The following JAKMIP3 variants were observed in gnomAD, a reference collection of about 807,000 sequenced individuals.
JAKMIP3 encodes the protein janus kinase and microtubule-interacting protein 3.
Under a neutral mutation model 118.5 loss-of-function variants are expected in JAKMIP3, and 58 were observed. That is an observed-to-expected ratio of 0.49 (90% confidence interval 0.40 to 0.61). The LOEUF (loss-of-function observed/expected upper bound fraction) is 0.61, where lower values mean the gene tolerates loss of function less well. JAKMIP3 is among the 20% of genes least tolerant of loss of function. The pLI, the probability that JAKMIP3 is intolerant of heterozygous loss-of-function variation, is 0.00. For synonymous variants in JAKMIP3, 486 were observed against 451.2 expected, an observed-to-expected ratio of 1.08 and a Z score of -0.98; for missense variants, 950 against 1,109.0, an observed-to-expected ratio of 0.86 and a Z score of 2.04.
chr10:132,115,296 G>A (rs1326053494), intron 2 of JAKMIP3, among the ~76,000 whole-genome samples: 1 of 146,604 alleles, frequency 6.8e-6, no homozygotes, highest in Non-Finnish European at 1.5e-5. Context: ...ACCCTGGCGG[G>A]GCACTGATCA....
chr10:132,156,714 G>A (rs1027836940), intron 19 of JAKMIP3, among the ~76,000 whole-genome samples: 2 of 152,160 alleles, frequency 1.3e-5, no homozygotes, highest in Non-Finnish European at 2.9e-5. Context: ...GCTGCCATCT[G>A]GTCTCCTAGA....
intron 23 of JAKMIP3, among the ~76,000 whole-genome samples, chr10:132,178,784 A>G (rs1014877624): frequency 1.8e-4 from 28 of 152,344 alleles, no homozygotes; most frequent in Admixed American, 1.2e-3. Context: ...TCCGGACCCC[A>G]GGAAGGTTCT....
In JAKMIP3 at chr10:132,118,342, C is replaced by T. The variant is rs943359551; in HGVS notation, c.633+768C>T. Among the ~76,000 whole-genome samples the T allele has an allele frequency of 5.9e-5, 9 of 152,234 alleles. No homozygotes were observed. Among genetic ancestry groups the T allele is most frequent in the African/African-American group, 2.2e-4 (9 of 41,468 alleles). Reference sequence around the variant, plus strand: ...AAGGGACTGATTCCACCCGATGCCCCTTGTCCTTTGGAGAGGAGACTGTCC... The same window carrying T: ...AAGGGACTGATTCCACCCGATGCCCTTTGTCCTTTGGAGAGGAGACTGTCC... On this transcript the variant is annotated intron_variant, in intron 3 of 23. Transcript: ENST00000684848. This position sits in a 1 kb window ranked among gnomAD's most constrained non-coding sequence, Gnocchi z 4.8.
intron 1 of JAKMIP3, among the ~76,000 whole-genome samples, chr10:132,039,201 G>A (rs1454010625): frequency 6.6e-6 from 1 of 152,108 alleles, no homozygotes; most frequent in Admixed American, 6.5e-5. Context: ...GCCCAAGCTG[G>A]TCTTGAACTC....
intron 1 of JAKMIP3, among the ~76,000 whole-genome samples, chr10:132,099,563 T>G (rs1589807308): frequency 6.6e-6 from 1 of 152,102 alleles, no homozygotes; most frequent in East Asian, 1.9e-4. Flanking sequence ...TCTACGGGGG[T>G]TTGGGGAGGC....
At chr10:132,121,968 C>G (rs1426735615) in intron 3 of JAKMIP3, among the ~76,000 whole-genome samples, 1 of 152,168 alleles carries the variant, frequency 6.6e-6, no homozygotes, top group African/African-American at 2.4e-5. Context: ...CAAAATGGAC[C>G]CCGTGATTCA....
intron 3 of JAKMIP3, 131 bp from the exon 4 acceptor site, chr10:132,133,181 T>C (rs1267930081): frequency 2.6e-6 from 2 of 772,482 alleles, no homozygotes; most frequent in Non-Finnish European, 4.3e-6. Context: ...GGGCTCCTGC[T>C]CTTAGTCCAG....
At chr10:132,174,305 A>G (rs930637307) in intron 23 of JAKMIP3, among the ~76,000 whole-genome samples, 23 of 152,090 alleles carry the variant, frequency 1.5e-4, no homozygotes, top group African/African-American at 5.3e-4. Flanking sequence ...ATAGAGTCAC[A>G]TAGTGCAGCT....
chr10:132,080,275 A>G (rs976873405), intron 1 of JAKMIP3, among the ~76,000 whole-genome samples: 1 of 151,872 alleles, frequency 6.6e-6, no homozygotes, highest in African/African-American at 2.4e-5. Context: ...ATTTCTGTAC[A>G]CCCTTACTAA....
rs557872878 is a variant in JAKMIP3, at chr10:132,121,542, C to T, written c.633+3968C>T. Among the ~76,000 whole-genome samples, 24 of 152,280 alleles carry T rather than the reference C, an allele frequency of 1.6e-4. No homozygotes were observed. The Middle Eastern group carries it at 0.02, about 129-fold the overall frequency. On this transcript the variant is annotated intron_variant, in intron 3 of 23. Coordinates refer to ENST00000684848, the MANE Select transcript of JAKMIP3 (RefSeq NM_001323087.2). Reference sequence around the variant, plus strand: ...AGGGATGGGTCTCTGCTGCAGGGAGCGCCAGCCTCTGGGAGGAATCGATCT... The same window carrying T: ...AGGGATGGGTCTCTGCTGCAGGGAGTGCCAGCCTCTGGGAGGAATCGATCT...
chr10:132,102,587 G>A (rs2045145656), intron 1 of JAKMIP3, among the ~76,000 whole-genome samples: 2 of 152,212 alleles, frequency 1.3e-5, no homozygotes, highest in African/African-American at 2.4e-5. Context: ...TCACCTGTCA[G>A]CCCCGCAGGC....
intron 4 of JAKMIP3, 86 bp from the exon 5 acceptor site, chr10:132,134,955 T>G: frequency 1.3e-6 from 2 of 1,532,958 alleles, no homozygotes; most frequent in Non-Finnish European, 1.8e-6. Context: ...ACGGCAGCGT[T>G]TTTGTTCCCG....
At chr10:132,136,578 C>G (rs2051833071) in intron 6 of JAKMIP3, among the ~76,000 whole-genome samples, 1 of 152,228 alleles carries the variant, frequency 6.6e-6, no homozygotes. Context: ...CCAGAGTTTA[C>G]TCAATGAGTA....
At position 132,049,538 on chromosome 10, in the gene JAKMIP3, A is replaced by AT. The variant is rs2038039139; in HGVS notation, c.-138+12806dup. 6.8e-6 allele frequency among the ~76,000 whole-genome samples: 1 copy of AT among 147,382 alleles called. No individual in the cohort carries two copies. The highest frequency in any genetic ancestry group is 2.5e-5 in the African/African-American group (1 of 39,878). ...AATACATTCTTTTTTCATTTCTCTGATTTTTTGCCCTAAGCTGTTGAATTC... is the reference window on the plus strand; with the variant it reads ...AATACATTCTTTTTTCATTTCTCTGATTTTTTTGCCCTAAGCTGTTGAATTC... On this transcript the variant is annotated intron_variant, in intron 1 of 23. Transcript: ENST00000657785. This position sits in a 1 kb window ranked among gnomAD's most constrained non-coding sequence, Gnocchi z 4.3.
At chr10:132,105,610 G>A (rs968629213) in intron 2 of JAKMIP3, among the ~76,000 whole-genome samples, 8 of 152,336 alleles carry the variant, frequency 5.3e-5, no homozygotes, top group South Asian at 2.1e-4. Context: ...GGCTACCCAC[G>A]CCTGAACCTC....
At chr10:132,038,326 A>C (rs944101873) in intron 1 of JAKMIP3, among the ~76,000 whole-genome samples, 1 of 152,214 alleles carries the variant, frequency 6.6e-6, no homozygotes, top group African/African-American at 2.4e-5. Context: ...GAGCCCACGC[A>C]CAGGGCACAA....
rs1229798970 is a variant in JAKMIP3 at position 132,180,652 on chromosome 10, CGTGTGCGT to C, written c.*1104-1691_*1104-1684del. On this transcript the variant is annotated intron_variant, in intron 23 of 23. Transcript: ENST00000684848. ...GTGTGTGCGTGCGTGTGTGCGTGTG[CGTGTGCGT>C]GTGTGCGTGTGTGTGCGCGCGCGTG... Among the ~76,000 whole-genome samples the C allele has an allele frequency of 4.4e-3, 38 of 8,676 alleles. 17 individuals carry two copies. The highest frequency in any genetic ancestry group is 0.013 in the East Asian group (3 of 240). The allele number at this position is 8,676 out of a possible 152,430, so 5.7% of individuals were successfully genotyped here.
At chr10:132,119,294 C>T (rs1564921450) in intron 3 of JAKMIP3, among the ~76,000 whole-genome samples, 1 of 152,226 alleles carries the variant, frequency 6.6e-6, no homozygotes, top group South Asian at 2.1e-4. Context: ...TCAACAGCAT[C>T]GTGTTATGAT....
intron 1 of JAKMIP3, among the ~76,000 whole-genome samples, chr10:132,059,586 C>T (rs897804802): frequency 6.6e-6 from 1 of 152,166 alleles, no homozygotes; most frequent in African/African-American, 2.4e-5. Flanking sequence ...CTGGGGGTGC[C>T]GAGGCCGACC....
Sources: allele counts gnomAD v4.1 joint callset (sites outside exome capture counted in the v4.1 genomes callset), GRCh38; gene constraint gnomAD v4.1.1; non-coding constraint Gnocchi (gnomAD v3.1); transcripts MANE v1.5; gene names NCBI Gene and HGNC (gene_info 2026-07-23, HGNC 2026-07-21).